PKHD1: variants seen among roughly 807,000 people sequenced by gnomAD.
PKHD1 encodes fibrocystin.
Under a neutral mutation model 412.0 loss-of-function variants are expected in PKHD1, and 291 were observed. The observed-to-expected ratio is 0.71, with a 90% CI of 0.64 to 0.78. The LOEUF (loss-of-function observed/expected upper bound fraction) is 0.78. Ranked by LOEUF, PKHD1 falls within the 30% of genes least tolerant of loss-of-function variation. The pLI is 0.00. For synonymous variants in PKHD1, 1,777 were observed against 1,821.5 expected (o/e 0.98, Z 0.62); for missense variants, 4,825 against 4,950.7 (o/e 0.97, Z 0.76).
chr6:51,956,397 A>G (rs1045024695), intron 36 of PKHD1, among the ~76,000 whole-genome samples: 5 of 151,896 alleles, frequency 3.3e-5, no homozygotes, highest in Non-Finnish European at 5.9e-5. Context: ...TTAAGAGAGC[A>G]AGGGTTTAAA....
intron 48 of PKHD1, among the ~76,000 whole-genome samples, chr6:51,856,571 T>C (rs141193448): frequency 6.6e-6 from 1 of 152,330 alleles, no homozygotes; most frequent in East Asian, 1.9e-4. Context: ...GATATTCACA[T>C]GAGGAACAAT....
intron 34 of PKHD1, among the ~76,000 whole-genome samples, chr6:52,011,824 G>A (rs1299217772): frequency 6.6e-6 from 1 of 152,116 alleles, no homozygotes; most frequent in Admixed American, 6.5e-5. Context: ...TAATAATGTA[G>A]ACTGTCAATA....
chr6:51,759,652 C>G (rs1214624043), intron 55 of PKHD1, among the ~76,000 whole-genome samples: 1 of 151,114 alleles, frequency 6.6e-6, no homozygotes, highest in African/African-American at 2.5e-5. Context: ...CTTGTACTTT[C>G]GACTTAAAGA....
chr6:51,707,766 C>A (rs1023767335), intron 60 of PKHD1, among the ~76,000 whole-genome samples: 20 of 152,248 alleles, frequency 1.3e-4, no homozygotes, highest in Admixed American at 1.2e-3. Flanking sequence ...ATAATTTCTT[C>A]TCAGGACTCA....
In PKHD1 at chr6:51,998,559, AAGACT is replaced by A. The variant is rs1158448782; in HGVS notation, c.5751+11745_5751+11749del. Among the ~76,000 whole-genome samples the A allele has an allele frequency of 1.8e-4, 27 of 152,222 alleles. 1 individual carries two copies. Among genetic ancestry groups the A allele is most frequent in the Admixed American group, 1.8e-3 (27 of 15,284 alleles). Reference sequence around the variant, plus strand: ...TCTCCCATCAAAGGGAGAACCTGAGAAGACTAGTTTAGTAATTATAATATTCTAGA... The same window carrying A: ...TCTCCCATCAAAGGGAGAACCTGAGAAGTTTAGTAATTATAATATTCTAGA... On this transcript the variant is annotated intron_variant, in intron 35 of 66. Coordinates refer to ENST00000371117, the MANE Select transcript of PKHD1 (RefSeq NM_138694.4).
intron 52 of PKHD1, among the ~76,000 whole-genome samples, chr6:51,803,752 G>C (rs1227852004): frequency 6.6e-6 from 1 of 151,482 alleles, no homozygotes; most frequent in Non-Finnish European, 1.5e-5. Flanking sequence ...TGTCACCCAG[G>C]CTGGAGTGCA....
chr6:52,021,083 T>C (rs2128135516), intron 33 of PKHD1, among the ~76,000 whole-genome samples: 3 of 152,340 alleles, frequency 2.0e-5, no homozygotes, highest in Admixed American at 2.0e-4. Flanking sequence ...TTAAAAGACT[T>C]TTTTATGAAA....
intron 35 of PKHD1, among the ~76,000 whole-genome samples, chr6:51,968,713 T>C (rs1282786843): frequency 1.3e-5 from 2 of 152,164 alleles, no homozygotes; most frequent in Admixed American, 6.5e-5. Context: ...GGAACAGACA[T>C]GATCCAGGCC....
intron 60 of PKHD1, among the ~76,000 whole-genome samples, chr6:51,702,637 A>C (rs1355203639): frequency 6.6e-6 from 1 of 151,974 alleles, no homozygotes; most frequent in Non-Finnish European, 1.5e-5. Flanking sequence ...TATAATACAA[A>C]TTTTAATAAC....
intron 53 of PKHD1, among the ~76,000 whole-genome samples, chr6:51,780,999 G>C (rs1283104893): frequency 6.6e-6 from 1 of 152,062 alleles, no homozygotes; most frequent in Non-Finnish European, 1.5e-5. Context: ...AATAAATTTC[G>C]TACATTTTTC....
At chr6:51,998,036 T>C (rs1362056411) in intron 35 of PKHD1, among the ~76,000 whole-genome samples, 1 of 152,232 alleles carries the variant, frequency 6.6e-6, no homozygotes, top group Non-Finnish European at 1.5e-5. Context: ...GTGTCATCAG[T>C]TAAGTCTGGC....
At chr6:51,899,896 A>T (rs536443505) in intron 43 of PKHD1, among the ~76,000 whole-genome samples, 1 of 152,272 alleles carries the variant, frequency 6.6e-6, no homozygotes, top group African/African-American at 2.4e-5. Context: ...GTGCCAAATC[A>T]TGAGTGAACT....
At position 51,969,604 on chromosome 6, in the gene PKHD1, A is replaced by G. The variant is rs1410608258; in HGVS notation, c.5752-9578T>C. 3.3e-5 allele frequency among the ~76,000 whole-genome samples: 5 copies of G among 152,066 alleles called. No individual in the cohort carries two copies. The East Asian group carries it at 9.7e-4, about 29-fold the overall frequency. The stretch of plus-strand genomic sequence containing the variant: ...CAGTGTCTATTATTCCACTATATCC[A>G]TGTGTACACATTATTTAGCTCCCAC... On this transcript the variant is annotated intron_variant, in intron 35 of 66. Coordinates refer to ENST00000371117, the MANE Select transcript of PKHD1 (RefSeq NM_138694.4).
chr6:52,046,065 T>G lies in PKHD1; in HGVS notation c.2531A>C (p.Tyr844Ser). The change falls in exon 24 of 67, where the codon TAC becomes TCC. Residue 844 changes from tyrosine (Y) to serine (S), a missense_variant. Physicochemically the swap from Tyr to Ser is moderately radical, Grantham distance 144. Coordinates refer to ENST00000371117, the MANE Select transcript of PKHD1 (RefSeq NM_138694.4). ...FTVKEDLYTC[Y>S]EHVWTLSWST... is the part of the protein sequence containing the mutation. ...CCAGGACAAGGTCCACACGTGTTCGTAGCAAGTGTATAGATCCTCCTTCAC... is the reference window on the plus strand; with the variant it reads ...CCAGGACAAGGTCCACACGTGTTCGGAGCAAGTGTATAGATCCTCCTTCAC... 6.2e-7 allele frequency: 1 copy of G among 1,613,694 alleles called. No homozygotes were observed. Among genetic ancestry groups the G allele is most frequent in the Non-Finnish European group, 8.5e-7 (1 of 1,179,612 alleles).
At chr6:51,850,386 G>C (rs372001254) in intron 49 of PKHD1, among the ~76,000 whole-genome samples, 6 of 152,134 alleles carry the variant, frequency 3.9e-5, no homozygotes, top group Non-Finnish European at 8.8e-5. Context: ...GGTCTTCTTC[G>C]ATTCCATGTG....
intron 60 of PKHD1, among the ~76,000 whole-genome samples, chr6:51,706,603 C>T (rs1296290648): frequency 2.0e-5 from 3 of 152,018 alleles, no homozygotes; most frequent in African/African-American, 7.2e-5. Flanking sequence ...TATTTTCCAT[C>T]CATTGAATCA....
At chr6:51,754,405 G>T (rs948712186) in intron 56 of PKHD1, among the ~76,000 whole-genome samples, 2 of 152,150 alleles carry the variant, frequency 1.3e-5, no homozygotes, top group Non-Finnish European at 2.9e-5. Context: ...TATTCTAAGG[G>T]ATTATAATTC....
chr6:52,012,527 C>G (rs1799946343), intron 34 of PKHD1, among the ~76,000 whole-genome samples: 1 of 152,212 alleles, frequency 6.6e-6, no homozygotes, highest in South Asian at 2.1e-4. Context: ...CCTGGAGCAT[C>G]AGTCGTATTC....
chr6:51,853,930 T>C (rs1271930602), intron 49 of PKHD1, among the ~76,000 whole-genome samples: 1 of 152,228 alleles, frequency 6.6e-6, no homozygotes, highest in African/African-American at 2.4e-5. Context: ...AATTCATCCA[T>C]TTGATCCTCC....
Sources: gnomAD v4.1 joint callset for allele counts (sites outside exome capture counted in the v4.1 genomes callset) on GRCh38, gnomAD v4.1.1 for gene constraint, MANE v1.5 for transcripts, NCBI Gene and HGNC (gene_info 2026-07-23, HGNC 2026-07-21) for gene names.